Variants in PPP6R2 observed in about 807,000 individuals in gnomAD.
The protein encoded by PPP6R2 is protein phosphatase 6 regulatory subunit 2.
In PPP6R2, 62 loss-of-function variants were observed where a neutral mutation model predicts 100.2. The observed-to-expected ratio is 0.62, with a 90% CI of 0.50 to 0.76. The LOEUF (loss-of-function observed/expected upper bound fraction) is 0.76, where lower values mean the gene tolerates loss of function less well. Among genes scored for constraint, PPP6R2 ranks in the 30% least tolerant of loss-of-function variants. PPP6R2 has a pLI of 0.00. For missense variants in PPP6R2, 1,142 were observed against 1,276.3 expected, an observed-to-expected ratio of 0.89 and a Z score of 1.60; for synonymous variants, 525 against 514.7, an observed-to-expected ratio of 1.02 and a Z score of -0.27.
intron 3 of PPP6R2, among the ~76,000 whole-genome samples, chr22:50,394,869 A>G (rs954941312): frequency 4.2e-5 from 6 of 141,756 alleles, no homozygotes; most frequent in Admixed American, 2.3e-4. Context: ...AGCTGAGATC[A>G]CACCACTGCA....
chr22:50,418,803 G>C (rs986303190), intron 6 of PPP6R2, 64 bp from the exon 7 acceptor site: 81 of 1,312,928 alleles, frequency 6.2e-5, no homozygotes, highest in Non-Finnish European at 8.4e-5. Context: ...TGTGTGCCCA[G>C]CAGGGCTGGT....
At position 50,414,331 on chromosome 22, in the gene PPP6R2, G is replaced by GGC. The variant is rs2060189395; in HGVS notation, c.415-221_415-220insGC. Among the ~76,000 whole-genome samples, 4 of 26,798 alleles carry GGC rather than the reference G, an allele frequency of 1.5e-4. 1 individual carries two copies. The highest frequency in any genetic ancestry group is 3.4e-4 in the African/African-American group (4 of 11,872). 17.6% of individuals were successfully genotyped at this position (26,798 alleles called of 152,430 possible). ...GAGCCACAGGGGTCCCTGTGCAGTG[G>GGC]CCCCCCCCCCCCCCCCCCCGCCCAG... is the stretch of plus-strand genomic sequence containing the variant. On this transcript the variant is annotated intron_variant, in intron 4 of 23. Coordinates refer to ENST00000612753, the MANE Select transcript of PPP6R2 (RefSeq NM_001242898.2).
upstream of PPP6R2, among the ~76,000 whole-genome samples, chr22:50,339,335 T>A (rs2042342152): frequency 1.4e-5 from 2 of 143,864 alleles, no homozygotes; most frequent in Admixed American, 1.4e-4. Flanking sequence ...GTGTGGTGTG[T>A]GTGGTATGTA....
chr22:50,338,724 TG>T (rs2042332543), upstream of PPP6R2, among the ~76,000 whole-genome samples: 1 of 126,566 alleles, frequency 7.9e-6, no homozygotes, highest in South Asian at 2.7e-4. Flanking sequence ...GGTGTGTGTG[TG>T]GTGTGTAGTG....
chr22:50,364,451 A>T (rs1385754146), intron 1 of PPP6R2, among the ~76,000 whole-genome samples: 1 of 152,222 alleles, frequency 6.6e-6, no homozygotes, highest in Non-Finnish European at 1.5e-5. Flanking sequence ...AGAAGGAGGC[A>T]CATACAAACA....
Position 50,368,222 on chromosome 22 carries a change from G to A in PPP6R2, c.-147-3798G>A, listed in dbSNP as rs1439946822. Among the ~76,000 whole-genome samples the A allele has an allele frequency of 2.0e-5, 3 of 152,180 alleles. No individual in the cohort carries two copies. The East Asian group carries it at 5.8e-4, about 29-fold the overall frequency. ...ACGTTTACGCCTCCAGATGGCTGCGGGCGGGCCTGACTGATGTCAGGCCTT... is the reference window on the plus strand; with the variant it reads ...ACGTTTACGCCTCCAGATGGCTGCGAGCGGGCCTGACTGATGTCAGGCCTT... On this transcript the variant is annotated intron_variant, in intron 1 of 23. Coordinates refer to ENST00000612753, the MANE Select transcript of PPP6R2 (RefSeq NM_001242898.2).
intron 2 of PPP6R2, among the ~76,000 whole-genome samples, chr22:50,376,675 C>T (rs73188943): frequency 0.2 from 30,060 of 151,822 alleles, 3,179 homozygotes; most frequent in South Asian, 0.37. Context: ...CTGCCCACCT[C>T]GGCCTCCTAA....
At chr22:50,370,720 G>A (rs1300814055) in intron 1 of PPP6R2, among the ~76,000 whole-genome samples, 3 of 151,860 alleles carry the variant, frequency 2.0e-5, no homozygotes, top group African/African-American at 4.8e-5. Context: ...TGCAACCTCT[G>A]CCTCCCGGGT....
At position 50,423,876 on chromosome 22, in the gene PPP6R2, C is replaced by T. The variant is rs932610390; in HGVS notation, c.1125+262C>T. On this transcript the variant is annotated intron_variant, in intron 10 of 23. Coordinates refer to ENST00000612753, the MANE Select transcript of PPP6R2 (RefSeq NM_001242898.2). This position sits in a 1 kb window ranked among gnomAD's most constrained non-coding sequence, Gnocchi z 4.8. The stretch of plus-strand genomic sequence containing the variant: ...GAAAGCAGAAGGCGGATTTCTAACC[C>T]GGTTTGATGGAATAGAGTGACACGT... Among the ~76,000 whole-genome samples, 3 of 152,310 alleles carry T rather than the reference C, an allele frequency of 2.0e-5. No homozygotes were observed. Among genetic ancestry groups the T allele is most frequent in the African/African-American group, 7.2e-5 (3 of 41,562 alleles).
the PPP6R2 span, among the ~76,000 whole-genome samples, chr22:50,332,266 T>C: frequency 1.3e-5 from 2 of 151,734 alleles, no homozygotes; most frequent in Admixed American, 6.6e-5. Context: ...CTTGCTCTGT[T>C]GCCCAGACTG....
At chr22:50,396,211 A>AAT (rs1364914035) in intron 3 of PPP6R2, among the ~76,000 whole-genome samples, 1 of 144,794 alleles carries the variant, frequency 6.9e-6, no homozygotes, top group Non-Finnish European at 1.5e-5. Context: ...AAAAAAAAAA[A>AAT]AAAAGCCGGG....
At chr22:50,442,663 C>T (rs1603426118) in intron 22 of PPP6R2, among the ~76,000 whole-genome samples, 3 of 152,156 alleles carry the variant, frequency 2.0e-5, no homozygotes, top group Non-Finnish European at 4.4e-5. Context: ...CATTCTCCTG[C>T]CTCAGTCTCC....
rs113888966 is a variant in PPP6R2, at chr22:50,410,232, C to T, written c.414+3357C>T. Among the ~76,000 whole-genome samples the T allele has an allele frequency of 1.3e-4, 20 of 152,174 alleles. 2 individuals are homozygous for T. The highest frequency in any genetic ancestry group is 4.6e-4 in the African/African-American group (19 of 41,520). ...GTAGTTGGGTCTGACAAACTGTGGT[C>T]CACAGGCCAAAAGCAGCCATCACTG... On this transcript the variant is annotated intron_variant, in intron 4 of 23. Coordinates refer to ENST00000612753, the MANE Select transcript of PPP6R2 (RefSeq NM_001242898.2).
At chr22:50,413,080 C>T (rs1251016112) in intron 4 of PPP6R2, among the ~76,000 whole-genome samples, 3 of 151,736 alleles carry the variant, frequency 2.0e-5, no homozygotes, top group African/African-American at 7.3e-5. Context: ...GCCTCAGCCT[C>T]CCGAGTAGCT....
intron 2 of PPP6R2, among the ~76,000 whole-genome samples, chr22:50,388,344 A>G (rs1227380279): frequency 6.6e-6 from 1 of 151,326 alleles, no homozygotes; most frequent in African/African-American, 2.4e-5. Flanking sequence ...CAGTGTGCCA[A>G]AATCCCACCA....
At chr22:50,338,477 GTGTT>G (rs1157705485), upstream of PPP6R2, among the ~76,000 whole-genome samples, 5 of 119,744 alleles carry the variant, frequency 4.2e-5, no homozygotes, top group Non-Finnish European at 6.8e-5. Context: ...TGTTATGTGT[GTGTT>G]ATGTAGTGTA....
rs149273460 is a variant in PPP6R2, at chr22:50,403,046, C to G, written c.228-3643C>G. Among the ~76,000 whole-genome samples, 649 of 152,236 alleles carry G rather than the reference C, an allele frequency of 4.3e-3. 4 individuals are homozygous for G. Among genetic ancestry groups the G allele is most frequent in the African/African-American group, 0.015 (621 of 41,528 alleles). On this transcript the variant is annotated intron_variant, in intron 3 of 23. Coordinates refer to ENST00000612753, the MANE Select transcript of PPP6R2 (RefSeq NM_001242898.2). ...TGGCCATCATGGTAAAACCCCGTCTCTACCAAAAATACAAAAGTTAGCCGA... is the reference window on the plus strand; with the variant it reads ...TGGCCATCATGGTAAAACCCCGTCTGTACCAAAAATACAAAAGTTAGCCGA...
At chr22:50,349,195 CAAAAAAAAA>C (rs892504600) in intron 1 of PPP6R2, among the ~76,000 whole-genome samples, 3,693 of 61,670 alleles carry the variant, frequency 0.06, 92 homozygotes, top group Non-Finnish European at 0.077. Flanking sequence ...GACTTCCTCT[CAAAAAAAAA>C]AAAAAAAAAA....
At chr22:50,415,148 A>C (rs1018955825) in intron 5 of PPP6R2, among the ~76,000 whole-genome samples, 3 of 152,246 alleles carry the variant, frequency 2.0e-5, no homozygotes, top group Non-Finnish European at 4.4e-5. Flanking sequence ...GTGTTTAGTC[A>C]GTGAGAACAG....
Sources: gnomAD v4.1 joint callset for allele counts (sites outside exome capture counted in the v4.1 genomes callset) on GRCh38, gnomAD v4.1.1 for gene constraint, Gnocchi (gnomAD v3.1) non-coding constraint, MANE v1.5 for transcripts, NCBI Gene and HGNC (gene_info 2026-07-23, HGNC 2026-07-21) for gene names.